SPON1: variants seen among roughly 807,000 people sequenced by gnomAD.
SPON1 encodes the protein spondin-1.
Under a neutral mutation model 111.7 loss-of-function variants are expected in SPON1, and 52 were observed. That is an observed-to-expected ratio of 0.47 (90% CI 0.37 to 0.59). SPON1 has a LOEUF of 0.59. Ranked by LOEUF, SPON1 falls within the 20% of genes least tolerant of loss-of-function variation. The pLI, the probability that SPON1 is intolerant of heterozygous loss-of-function variation, is 0.00. For synonymous variants in SPON1, 410 were observed against 395.8 expected (o/e 1.04, Z -0.43); for missense variants, 957 against 1,068.5 (o/e 0.90, Z 1.46).
At chr11:14,057,180 C>G (rs1335155492) in intron 3 of SPON1, among the ~76,000 whole-genome samples, 1 of 152,130 alleles carries the variant, frequency 6.6e-6, no homozygotes, top group East Asian at 1.9e-4. Flanking sequence ...AAAGCAAGAA[C>G]TTTAGAATGG....
chr11:14,032,098 T>A (rs1445036781), intron 2 of SPON1, among the ~76,000 whole-genome samples: 4 of 152,202 alleles, frequency 2.6e-5, no homozygotes, highest in Non-Finnish European at 5.9e-5. Flanking sequence ...TATGCTGCCA[T>A]TAAAAATTTT....
At chr11:14,016,313 C>G (rs782745542) in intron 2 of SPON1, among the ~76,000 whole-genome samples, 1 of 152,230 alleles carries the variant, frequency 6.6e-6, no homozygotes, top group Non-Finnish European at 1.5e-5. Flanking sequence ...GCTTACAAAA[C>G]CAATTCTATG....
chr11:14,143,378 A>G (rs1443664533), intron 6 of SPON1, among the ~76,000 whole-genome samples: 2 of 152,180 alleles, frequency 1.3e-5, no homozygotes, highest in Non-Finnish European at 2.9e-5. Flanking sequence ...CCTGGGCAAC[A>G]CAGTGAGCCC....
chr11:14,014,698 A>G lies in SPON1; in HGVS notation c.346-26823A>G, dbSNP rs541377204. ...TATTAAATGGAGGAGCACCTGCCATATCTTCAACTGTAAACTAAAGGACAC... is the reference window on the plus strand; with the variant it reads ...TATTAAATGGAGGAGCACCTGCCATGTCTTCAACTGTAAACTAAAGGACAC... On this transcript the variant is annotated intron_variant, in intron 2 of 15. Transcript: ENST00000576479. Among the ~76,000 whole-genome samples the G allele has an allele frequency of 2.6e-5, 4 of 152,338 alleles. No homozygotes were observed. In the South Asian group the frequency reaches 6.2e-4, roughly 24 times the overall value.
At chr11:14,127,767 C>G (rs969814774) in intron 5 of SPON1, among the ~76,000 whole-genome samples, 6 of 152,200 alleles carry the variant, frequency 3.9e-5, no homozygotes, top group Admixed American at 3.9e-4. Context: ...ATATAAAGAA[C>G]TACCTGAGAC....
intron 15 of SPON1, among the ~76,000 whole-genome samples, chr11:14,264,608 TAGTC>T (rs1391691600): frequency 6.6e-6 from 1 of 152,216 alleles, no homozygotes; most frequent in South Asian, 2.1e-4. Flanking sequence ...TTCTACATGG[TAGTC>T]AGCCAGTCAA....
intron 1 of SPON1, among the ~76,000 whole-genome samples, chr11:13,982,117 A>G (rs1394909017): frequency 6.6e-6 from 1 of 152,324 alleles, no homozygotes; most frequent in African/African-American, 2.4e-5. Context: ...GTGTCTTATT[A>G]GTTATTGTTG....
intron 5 of SPON1, among the ~76,000 whole-genome samples, chr11:14,081,310 C>T (rs1848960323): frequency 6.6e-6 from 1 of 152,138 alleles, no homozygotes; most frequent in African/African-American, 2.4e-5. Flanking sequence ...TCAAGCCACT[C>T]AGCGGCTAGT....
At chr11:14,088,074 C>T (rs1849020946) in intron 5 of SPON1, among the ~76,000 whole-genome samples, 1 of 152,166 alleles carries the variant, frequency 6.6e-6, no homozygotes, top group African/African-American at 2.4e-5. Flanking sequence ...TGAGTCTTGA[C>T]TCTTTACCCA....
chr11:14,213,202 T>C (rs1203488682), intron 6 of SPON1, among the ~76,000 whole-genome samples: 1 of 152,180 alleles, frequency 6.6e-6, no homozygotes, highest in Non-Finnish European at 1.5e-5. Flanking sequence ...TGGAGCCCAA[T>C]TATGTTTGAT....
chr11:14,068,514 C>T (rs1445183346), intron 3 of SPON1, among the ~76,000 whole-genome samples: 3 of 152,168 alleles, frequency 2.0e-5, no homozygotes, highest in Non-Finnish European at 4.4e-5. Flanking sequence ...ATCTCTGATT[C>T]AGGTCGAGAT....
chr11:14,016,117 C>G (rs774425935), intron 2 of SPON1, among the ~76,000 whole-genome samples: 1 of 152,200 alleles, frequency 6.6e-6, no homozygotes. Flanking sequence ...GATGGCAGTT[C>G]CCTCTTCCTA....
At position 14,135,335 on chromosome 11, in the gene SPON1, C is replaced by T; in HGVS notation, c.677-85C>T. 1 of 1,453,992 alleles carries T rather than the reference C, an allele frequency of 6.9e-7. No individual in the cohort carries two copies. Among genetic ancestry groups the T allele is most frequent in the South Asian group, 1.3e-5 (1 of 78,006 alleles). 90.1% of individuals were successfully genotyped at this position (1,453,992 alleles called of 1,614,324 possible). Reference sequence around the variant, plus strand: ...AGTCAGTGCTCTTTGAATCGATGTCCAATTACGCATCCTCCCCATCATTTA... The same window carrying T: ...AGTCAGTGCTCTTTGAATCGATGTCTAATTACGCATCCTCCCCATCATTTA... On this transcript the variant is annotated intron_variant, in intron 5 of 15. Transcript: ENST00000576479. The surrounding 1 kb of genome is among the most constrained non-coding windows in gnomAD (Gnocchi z 4.4).
intron 6 of SPON1, among the ~76,000 whole-genome samples, chr11:14,208,857 T>G (rs1293251089): frequency 6.6e-6 from 1 of 152,200 alleles, no homozygotes; most frequent in African/African-American, 2.4e-5. Flanking sequence ...ACTTTATTAA[T>G]TATTATTGCT....
At position 14,057,164 on chromosome 11, in the gene SPON1, G is replaced by C. The variant is rs141272739; in HGVS notation, c.479+15510G>C. On this transcript the variant is annotated intron_variant, in intron 3 of 15. Coordinates refer to ENST00000576479, the MANE Select transcript of SPON1 (RefSeq NM_006108.4). ...CCTTGAAATACTTAATCACTAAAAA[G>C]GGAGAAAAGCAAGAACTTTAGAATG... is the stretch of plus-strand genomic sequence containing the variant. 5.1e-4 allele frequency among the ~76,000 whole-genome samples: 77 copies of C among 152,270 alleles called. 1 individual carries two copies. The highest frequency in any genetic ancestry group is 1.7e-3 in the African/African-American group (72 of 41,554).
intron 5 of SPON1, among the ~76,000 whole-genome samples, chr11:14,130,966 G>A (rs1847521276): frequency 6.6e-6 from 1 of 152,076 alleles, no homozygotes; most frequent in African/African-American, 2.4e-5. Flanking sequence ...GTATAAGGAG[G>A]TTTGAGAACA....
intron 2 of SPON1, among the ~76,000 whole-genome samples, chr11:13,988,059 G>T (rs1848199301): frequency 6.6e-6 from 1 of 152,024 alleles, no homozygotes; most frequent in Admixed American, 6.6e-5. Flanking sequence ...TCCATATGAA[G>T]TTTAAAGTAG....
At chr11:14,240,080 A>T (rs144257164) in intron 6 of SPON1, among the ~76,000 whole-genome samples, 35 of 152,334 alleles carry the variant, frequency 2.3e-4, no homozygotes, top group African/African-American at 8.2e-4. Context: ...TTATGAAAAC[A>T]ACTAAATATT....
chr11:14,136,499 C>T (rs1197848467), intron 6 of SPON1, among the ~76,000 whole-genome samples: 1 of 152,216 alleles, frequency 6.6e-6, no homozygotes, highest in Admixed American at 6.5e-5. Flanking sequence ...GGGACCCCAT[C>T]TCACAGTCTG....
Sources: allele counts gnomAD v4.1 joint callset (sites outside exome capture counted in the v4.1 genomes callset), GRCh38; gene constraint gnomAD v4.1.1; non-coding constraint Gnocchi (gnomAD v3.1); transcripts MANE v1.5; gene names NCBI Gene and HGNC (gene_info 2026-07-23, HGNC 2026-07-21).